Variants in ARMCX4 observed in about 807,000 individuals in gnomAD.
The protein encoded by ARMCX4 is armadillo repeat containing X-linked 4, also known as armadillo repeat-containing X-linked protein 4.
Under a neutral mutation model 34.7 loss-of-function variants are expected in ARMCX4, and 3 were observed. The ratio of observed to expected loss-of-function variants is 0.09; its 90% CI spans 0.04 to 0.22. The LOEUF is 0.22. ARMCX4 is among the 10% of genes least tolerant of loss of function. The probability of loss-of-function intolerance (pLI) is 1.00; values close to 1 mark genes in which losing one functional copy is unlikely to be tolerated. For missense variants in ARMCX4, 1,448 were observed against 1,720.8 expected (o/e 0.84, Z 2.81); for synonymous variants, 513 against 632.8 (o/e 0.81, Z 2.84).
intron 2 of ARMCX4, among the ~76,000 whole-genome samples, chrX:101,441,724 C>T (rs1221991256): frequency 2.7e-5 from 3 of 111,365 alleles, no homozygotes; most frequent in African/African-American, 6.5e-5. Flanking sequence ...CAATTATGTG[C>T]GTGAACTAGT....
intron 4 of ARMCX4, among the ~76,000 whole-genome samples, chrX:101,468,891 A>G (rs1556002530): frequency 8.9e-6 from 1 of 112,069 alleles, no homozygotes; most frequent in Non-Finnish European, 1.9e-5. Context: ...GCCATAAATA[A>G]AAAGACTGAT....
At chrX:101,509,710 C>T (rs1170885518) in intron 10 of ARMCX4, 1 of 111,376 alleles carries the variant, frequency 9.0e-6, no homozygotes, top group Non-Finnish European at 1.9e-5. Context: ...TCTATTTTAA[C>T]TAAACTTGCC....
intron 7 of ARMCX4, among the ~76,000 whole-genome samples, chrX:101,503,608 C>A (rs1934363210): frequency 8.9e-6 from 1 of 111,829 alleles, no homozygotes; most frequent in African/African-American, 3.3e-5. Flanking sequence ...CTGTTCATAT[C>A]CTTCGCCCAC....
chrX:101,429,628 G>C (rs782691419), intron 2 of ARMCX4, among the ~76,000 whole-genome samples: 1 of 110,824 alleles, frequency 9.0e-6, no homozygotes, highest in Middle Eastern at 4.2e-3. Context: ...GAGCCACCGC[G>C]CCCAGCCAGG....
rs782295953 is a variant in ARMCX4 at position 101,489,817 on chromosome X, G to T, written c.1228G>T (p.Ala410Ser). ...GCCTCAAGCTGTTGCCAGTACTCAC[G>T]CTGAGGCCATGTCTGATGCTAAGGT... ...AQPQAVASTH[A>S]EAMSDAKVKN... The change falls in exon 6 of 6, where the codon GCT becomes TCT. Residue 410 changes from alanine (A) to serine (S), a missense_variant. By Grantham distance (99) the Ala-to-Ser change is moderately conservative. This residue lies in a region of ARMCX4 where 1,343 missense variants were observed against 1,540.7 expected (regional missense o/e 0.87). Transcript: ENST00000423738. The T allele has an allele frequency of 2.6e-6, 3 of 1,155,720 alleles. No homozygotes were observed. The highest frequency in any genetic ancestry group is 5.2e-5 in the Admixed American group (2 of 38,784).
intron 11 of ARMCX4, among the ~76,000 whole-genome samples, chrX:101,517,818 C>T (rs189506760): frequency 9.1e-6 from 1 of 110,145 alleles, no homozygotes; most frequent in Admixed American, 9.7e-5. Flanking sequence ...AAATTAAATC[C>T]AGTAGATCTA....
At chrX:101,477,430 C>CAAAAAAAAAAAA (rs1156582627) in intron 4 of ARMCX4, among the ~76,000 whole-genome samples, 3 of 12,494 alleles carry the variant, frequency 2.4e-4, no homozygotes, top group African/African-American at 8.9e-4. Context: ...GACTCTGTCT[C>CAAAAAAAAAAAA]AAAAAAAAAA....
At chrX:101,479,304 CCACACACACACACA>C (rs34549014) in intron 4 of ARMCX4, among the ~76,000 whole-genome samples, 4,148 of 78,123 alleles carry the variant, frequency 0.053, 262 homozygotes, top group African/African-American at 0.17. Flanking sequence ...ATAAAGAAAA[CCACACACACACACA>C]CACACACACA....
intron 4 of ARMCX4, among the ~76,000 whole-genome samples, chrX:101,477,452 A>G (rs1399178200): frequency 9.8e-6 from 1 of 102,522 alleles, no homozygotes; most frequent in African/African-American, 3.6e-5. Context: ...AAAAAAAAAA[A>G]AAAAAAAAAA....
At chrX:101,527,222 C>T (rs1161370671) in intron 11 of ARMCX4, among the ~76,000 whole-genome samples, 1 of 111,988 alleles carries the variant, frequency 8.9e-6, no homozygotes, top group Non-Finnish European at 1.9e-5. Context: ...CAACCTTCTC[C>T]TGAATGACTA....
chrX:101,455,658 CTT>C (rs781902804), intron 4 of ARMCX4, among the ~76,000 whole-genome samples: 1 of 111,613 alleles, frequency 9.0e-6, no homozygotes, highest in Non-Finnish European at 1.9e-5. Flanking sequence ...TATATGAATA[CTT>C]TTTTTCTCAA....
At chrX:101,466,646 A>T (rs1424038837) in intron 4 of ARMCX4, among the ~76,000 whole-genome samples, 1 of 112,443 alleles carries the variant, frequency 8.9e-6, no homozygotes, top group East Asian at 2.8e-4. Flanking sequence ...CATTTATATG[A>T]CATTCCGAGA....
chrX:101,482,890 C>CTTTTTTTT (rs36075508), upstream of ARMCX4, among the ~76,000 whole-genome samples: 6 of 54,730 alleles, frequency 1.1e-4, no homozygotes, highest in Non-Finnish European at 1.5e-4. Flanking sequence ...TTGCGTCAGG[C>CTTTTTTTT]TTTTTTTTTT....
intron 2 of ARMCX4, among the ~76,000 whole-genome samples, chrX:101,433,240 G>GTA (rs200580799): frequency 3.2e-5 from 1 of 31,525 alleles, no homozygotes; most frequent in Non-Finnish European, 8.9e-5. Context: ...GTACACATAT[G>GTA]TATATATACA....
chrX:101,527,578 T>C (rs1326970046), intron 11 of ARMCX4, among the ~76,000 whole-genome samples: 8 of 111,076 alleles, frequency 7.2e-5, no homozygotes, highest in African/African-American at 1.6e-4. Flanking sequence ...ATTGATAGAC[T>C]GCTAGCAAGA....
At chrX:101,508,797 T>G (rs1327066425) in intron 8 of ARMCX4, among the ~76,000 whole-genome samples, 1 of 111,937 alleles carries the variant, frequency 8.9e-6, no homozygotes, top group Non-Finnish European at 1.9e-5. Context: ...TTTTGAGTTT[T>G]AAGTCACTGA....
At chrX:101,464,915 C>A (rs1270236635) in intron 4 of ARMCX4, among the ~76,000 whole-genome samples, 1 of 111,396 alleles carries the variant, frequency 9.0e-6, no homozygotes, top group African/African-American at 3.3e-5. Context: ...GGCAAGGGAT[C>A]TAATACTTAT....
At chrX:101,472,426 G>C (rs1252514868) in intron 4 of ARMCX4, among the ~76,000 whole-genome samples, 2 of 80,065 alleles carry the variant, frequency 2.5e-5, no homozygotes, top group African/African-American at 1.0e-4. Flanking sequence ...AGCAAGGCAG[G>C]CCAACATTCA....
chrX:101,477,430 C>A (rs868946227), intron 4 of ARMCX4, among the ~76,000 whole-genome samples: 3 of 12,496 alleles, frequency 2.4e-4, no homozygotes, highest in Admixed American at 2.1e-3. Flanking sequence ...GACTCTGTCT[C>A]AAAAAAAAAA....
Sources: gnomAD v4.1 joint callset for allele counts (sites outside exome capture counted in the v4.1 genomes callset) on GRCh38, gnomAD v4.1.1 for gene constraint, gnomAD v4.1.1 regional missense constraint, MANE v1.5 for transcripts, NCBI Gene and HGNC (gene_info 2026-07-23, HGNC 2026-07-21) for gene names.